The following KNL1 variants were observed in gnomAD, a reference collection of about 807,000 sequenced individuals.
KNL1 encodes the protein kinetochore scaffold 1, also known as outer kinetochore KNL1 complex subunit KNL1.
Under a neutral mutation model 201.3 loss-of-function variants are expected in KNL1, and 66 were observed. The ratio of observed to expected loss-of-function variants is 0.33; its 90% confidence interval spans 0.27 to 0.40. The LOEUF (loss-of-function observed/expected upper bound fraction) is 0.40. Among genes scored for constraint, KNL1 ranks in the 10% least tolerant of loss-of-function variants. The probability of loss-of-function intolerance (pLI) is 1.00; values close to 1 mark genes in which losing one functional copy is unlikely to be tolerated. For missense variants in KNL1, 2,815 were observed against 2,690.5 expected, an observed-to-expected ratio of 1.05 and a Z score of -1.02; for synonymous variants, 895 against 899.2, an observed-to-expected ratio of 1.00 and a Z score of 0.08.
rs375179586 is a variant in KNL1 at position 40,625,296 on chromosome 15, A to C, written c.5032A>C (p.Thr1678Pro). 9.3e-6 allele frequency: 15 copies of C among 1,614,028 alleles called. No individual in the cohort carries two copies. In the African/African-American group the frequency reaches 2.0e-4, roughly 22 times the overall value. The change falls in exon 10 of 26, where the codon ACA (threonine) becomes CCA (proline). Residue 1678 changes from threonine to proline, a missense_variant. Thr to Pro is a conservative substitution (Grantham distance 38). Transcript: ENST00000399668. ...TGACCTGGAACAGATTCCAGCAGACACAACTGATATAAATCACTTAGAAAC... is the reference window on the plus strand; with the variant it reads ...TGACCTGGAACAGATTCCAGCAGACCCAACTGATATAAATCACTTAGAAAC... The part of the protein sequence containing the change: ...IDDLEQIPAD[T>P]TDINHLETQP...
chr15:40,616,451 C>T (rs1892349160), intron 8 of KNL1, among the ~76,000 whole-genome samples: 1 of 152,080 alleles, frequency 6.6e-6, no homozygotes, highest in East Asian at 1.9e-4. Context: ...TCTTTCAAAC[C>T]TGCTGTTTCT....
In KNL1 at chr15:40,650,535, T is replaced by A. The variant is rs747673229; in HGVS notation, c.6173-9T>A. ...TTGTTCTGTTTTTTTTTTTTTTCTGTTTCCAAAGAATTGGAACAGCTGAAA... is the reference window on the plus strand; with the variant it reads ...TTGTTCTGTTTTTTTTTTTTTTCTGATTCCAAAGAATTGGAACAGCTGAAA... On this transcript the variant is annotated splice_polypyrimidine_tract_variant and intron_variant, in intron 18 of 25. Transcript: ENST00000399668. 10 of 1,554,782 alleles carry A rather than the reference T, an allele frequency of 6.4e-6. No individual in the cohort carries two copies. The South Asian group carries it at 1.2e-4, about 19-fold the overall frequency.
intron 22 of KNL1, among the ~76,000 whole-genome samples, chr15:40,655,873 G>A (rs754177935): frequency 1.3e-4 from 19 of 149,022 alleles, no homozygotes; most frequent in African/African-American, 3.7e-4. Context: ...CCGAGATCGC[G>A]CCACTGCATT....
chr15:40,602,517 G>C (rs9920676), intron 1 of KNL1, among the ~76,000 whole-genome samples: 2 of 98,170 alleles, frequency 2.0e-5, no homozygotes, highest in Non-Finnish European at 3.8e-5. Context: ...ACAGAGTTTT[G>C]CTCTTGTCGC....
Position 40,654,364 on chromosome 15 carries a change from C to T in KNL1, c.6416-545C>T, listed in dbSNP as rs184421765. ...GAAGTTAGGGGTTAAAAGAGGAGGC[C>T]TTAACAAATATAGCTGTGTACTACC... On this transcript the variant is annotated intron_variant, in intron 21 of 25. Transcript: ENST00000399668. Among the ~76,000 whole-genome samples, 9 of 151,912 alleles carry T rather than the reference C, an allele frequency of 5.9e-5. 1 individual carries two copies. The highest frequency in any genetic ancestry group is 3.3e-4 in the Admixed American group (5 of 15,222).
intron 24 of KNL1, among the ~76,000 whole-genome samples, chr15:40,658,982 C>A (rs532160742): frequency 6.7e-6 from 1 of 150,226 alleles, no homozygotes; most frequent in Non-Finnish European, 1.5e-5. Context: ...CTTGGACATG[C>A]CAGCGTAAAA....
intron 14 of KNL1, 131 bp from the exon 15 acceptor site, chr15:40,644,866 C>T: frequency 1.9e-6 from 1 of 536,534 alleles, no homozygotes; most frequent in South Asian, 2.3e-5. Context: ...AACATCTCAG[C>T]AAAACAGTTG....
In KNL1 at chr15:40,602,982, G is replaced by A. The variant is rs373396943; in HGVS notation, c.35+16G>A. On this transcript the variant is annotated intron_variant, in intron 2 of 25. Transcript: ENST00000399668. Reference sequence around the variant, plus strand: ...ATGAAGAAAAGTAAGTTCATTTAATGCAGCTAAAAATATTATATTCTATCA... The same window carrying A: ...ATGAAGAAAAGTAAGTTCATTTAATACAGCTAAAAATATTATATTCTATCA... 1 of 1,553,248 alleles carries A rather than the reference G, an allele frequency of 6.4e-7. No individual in the cohort carries two copies. Among genetic ancestry groups the A allele is most frequent in the Non-Finnish European group, 8.8e-7 (1 of 1,130,288 alleles).
At chr15:40,645,847 A>C (rs896435714) in intron 16 of KNL1, 75 bp downstream of exon 16, 10 of 762,976 alleles carry the variant, frequency 1.3e-5, no homozygotes, top group Non-Finnish European at 8.0e-6. Flanking sequence ...GAATATGAAG[A>C]ATCTTCCTTA....
intron 13 of KNL1, among the ~76,000 whole-genome samples, chr15:40,632,494 C>G (rs1595933745): frequency 6.6e-6 from 1 of 151,424 alleles, no homozygotes; most frequent in African/African-American, 2.4e-5. Flanking sequence ...CCCAGCTACT[C>G]GGGAGGCTGA....
chr15:40,643,746 G>C (rs181639882), intron 14 of KNL1, among the ~76,000 whole-genome samples: 55 of 152,364 alleles, frequency 3.6e-4, no homozygotes, highest in Non-Finnish European at 5.7e-4. Context: ...ATTGGAACAA[G>C]TTGGTACGTT....
intron 22 of KNL1, 147 bp downstream of exon 22, chr15:40,655,124 C>T (rs1240469483): frequency 1.7e-6 from 1 of 581,310 alleles, no homozygotes; most frequent in Non-Finnish European, 3.0e-6. Context: ...ATGGTGAAAC[C>T]CCGTCTCTGC....
intron 13 of KNL1, among the ~76,000 whole-genome samples, chr15:40,640,353 A>G (rs1893189965): frequency 6.6e-6 from 1 of 151,948 alleles, no homozygotes; most frequent in Admixed American, 6.6e-5. Flanking sequence ...GCCACCTCCC[A>G]AAGTGCTGGG....
chr15:40,651,976 T>C (rs992368498), intron 20 of KNL1, 29 bp from the exon 21 acceptor site: 6 of 1,550,822 alleles, frequency 3.9e-6, no homozygotes, highest in Admixed American at 1.7e-5. Flanking sequence ...TAAAAACGCT[T>C]TTTAAAAATC....
chr15:40,634,899 A>G (rs1245325672), intron 13 of KNL1, among the ~76,000 whole-genome samples: 1 of 152,136 alleles, frequency 6.6e-6, no homozygotes, highest in East Asian at 1.9e-4. Flanking sequence ...GTGATAGGAA[A>G]ATATATCTGG....
chr15:40,632,488 G>C (rs1195465191), intron 13 of KNL1, among the ~76,000 whole-genome samples: 1 of 151,918 alleles, frequency 6.6e-6, no homozygotes, highest in Non-Finnish European at 1.5e-5. Flanking sequence ...TGTAGTCCCA[G>C]CTACTCGGGA....
At chr15:40,646,280 ACT>A (rs1373370603) in intron 16 of KNL1, among the ~76,000 whole-genome samples, 1 of 152,136 alleles carries the variant, frequency 6.6e-6, no homozygotes, top group Non-Finnish European at 1.5e-5. Flanking sequence ...CTTTTTGACC[ACT>A]GTTTCCTATG....
intron 2 of KNL1, among the ~76,000 whole-genome samples, chr15:40,604,866 T>C (rs1891924490): frequency 6.6e-6 from 1 of 152,238 alleles, no homozygotes; most frequent in South Asian, 2.1e-4. Context: ...ATTATACCTC[T>C]ATAAATATGG....
intron 7 of KNL1, among the ~76,000 whole-genome samples, chr15:40,614,103 T>C (rs1350962753): frequency 7.0e-6 from 1 of 143,552 alleles, no homozygotes; most frequent in Non-Finnish European, 1.5e-5. Flanking sequence ...TGGCCCCCCT[T>C]TTTTTTTTTT....
Sources: allele counts gnomAD v4.1 joint callset (sites outside exome capture counted in the v4.1 genomes callset), GRCh38; gene constraint gnomAD v4.1.1; transcripts MANE v1.5; gene names NCBI Gene and HGNC (gene_info 2026-07-23, HGNC 2026-07-21).